The following NFAT5 variants were observed in gnomAD, a reference collection of about 807,000 sequenced individuals.
NFAT5 encodes the protein nuclear factor of activated T-cells 5.
A neutral mutation model predicts 166.5 loss-of-function variants in NFAT5; 31 were observed. The observed-to-expected ratio is 0.19, with a 90% CI of 0.14 to 0.25. NFAT5 has a LOEUF of 0.25. NFAT5 is among the 10% of genes least tolerant of loss of function. The probability of loss-of-function intolerance (pLI) is 1.00; values close to 1 mark genes in which losing one functional copy is unlikely to be tolerated. For missense variants in NFAT5, 1,449 were observed against 1,821.8 expected, an observed-to-expected ratio of 0.80 and a Z score of 3.72; for synonymous variants, 612 against 639.7, an observed-to-expected ratio of 0.96 and a Z score of 0.65.
At chr16:69,568,340 A>ATGTGTGTGTGTGTGTG (rs1289905200) in intron 1 of NFAT5, among the ~76,000 whole-genome samples, 155 bp from the exon 2 acceptor site, 2 of 38,480 alleles carry the variant, frequency 5.2e-5, no homozygotes, top group African/African-American at 3.0e-4. Flanking sequence ...GTGTGTATAT[A>ATGTGTGTGTGTGTGTG]TATATATGTG....
At position 69,699,763 on chromosome 16, in the gene NFAT5, T is replaced by G. The variant is rs2037863836; in HGVS notation, c.*3412T>G. 1 of 152,494 alleles carries G rather than the reference T, an allele frequency of 6.6e-6. No individual in the cohort carries two copies. Among genetic ancestry groups the G allele is most frequent in the African/African-American group, 2.4e-5 (1 of 41,434 alleles). 9.4% of individuals were successfully genotyped at this position (152,494 alleles called of 1,614,324 possible). A position where few individuals can be genotyped will look rare whatever the true frequency, so the allele number is the denominator to read the frequency against. On this transcript the variant is annotated 3_prime_UTR_variant, in exon 15 of 15. Coordinates refer to ENST00000349945, the MANE Select transcript of NFAT5 (RefSeq NM_138713.4). ...CCTTTTCTTCTTTATATTGTTACATTTAAGTGTTCTTGCTTTCAGCAACTC... is the reference window on the plus strand; with the variant it reads ...CCTTTTCTTCTTTATATTGTTACATGTAAGTGTTCTTGCTTTCAGCAACTC...
intron 2 of NFAT5, among the ~76,000 whole-genome samples, chr16:69,610,524 A>T (rs2033658926): frequency 6.6e-6 from 1 of 152,210 alleles, no homozygotes; most frequent in Admixed American, 6.5e-5. Flanking sequence ...TAATATAGTA[A>T]GTAAAATAGA....
Position 69,692,948 on chromosome 16 carries a change from T to G in NFAT5, c.3123T>G (p.Leu1041=). ...GGGACAATCAACCTCAAGTTAACCT[T>G]TTTTCATCCACAAAAAGTATGATGA... ...HSGDNQPQVN[L]FSSTKSMMSV... The change falls in exon 13 of 15, where the codon CTT becomes CTG. Residue 1041 remains leucine (L), a synonymous_variant. Coordinates refer to ENST00000349945, the MANE Select transcript of NFAT5 (RefSeq NM_138713.4). The G allele has an allele frequency of 6.2e-7, 1 of 1,614,126 alleles. No individual in the cohort carries two copies. The highest frequency in any genetic ancestry group is 8.5e-7 in the Non-Finnish European group (1 of 1,180,010).
chr16:69,642,466 A>G (rs1463192114), intron 3 of NFAT5, among the ~76,000 whole-genome samples: 1 of 152,230 alleles, frequency 6.6e-6, no homozygotes, highest in African/African-American at 2.4e-5. Context: ...AGAATGGTCT[A>G]TTAATTTTTC....
intron 2 of NFAT5, among the ~76,000 whole-genome samples, chr16:69,614,316 G>A (rs1597401147): frequency 1.3e-5 from 2 of 152,030 alleles, no homozygotes; most frequent in Admixed American, 1.3e-4. Flanking sequence ...CACCACGCTC[G>A]GCCCTAGATT....
chr16:69,674,684 T>A lies in NFAT5; in HGVS notation c.1558-2519T>A, dbSNP rs578062087. 5.3e-4 allele frequency among the ~76,000 whole-genome samples: 80 copies of A among 152,314 alleles called. 1 individual carries two copies. Among genetic ancestry groups the A allele is most frequent in the African/African-American group, 1.9e-3 (77 of 41,574 alleles). ...ATTTTGTAATGGGTCTTTGGTCAAG[T>A]CTAATTGTAGATATTCTAATTATGT... On this transcript the variant is annotated intron_variant, in intron 9 of 14. Coordinates refer to ENST00000349945, the MANE Select transcript of NFAT5 (RefSeq NM_138713.4).
chr16:69,697,745 C>A lies in NFAT5; in HGVS notation c.*1394C>A, dbSNP rs576346230. On this transcript the variant is annotated 3_prime_UTR_variant, in exon 15 of 15. Transcript: ENST00000349945. ...CCACCCGTGGGATGCCTGCTTCTCACTACCACCTGTGTCTGGACACATGCT... is the reference window on the plus strand; with the variant it reads ...CCACCCGTGGGATGCCTGCTTCTCAATACCACCTGTGTCTGGACACATGCT... 1 of 152,656 alleles carries A rather than the reference C, an allele frequency of 6.6e-6. No individual in the cohort carries two copies. Among genetic ancestry groups the A allele is most frequent in the South Asian group, 2.1e-4 (1 of 4,828 alleles). The allele number at this position is 152,656 out of a possible 1,614,324, so 9.5% of individuals were successfully genotyped here. A position where few individuals can be genotyped will look rare whatever the true frequency, so the allele number is the denominator to read the frequency against.
rs981872534 is a variant in NFAT5, at chr16:69,647,861, G to T, written c.812+275G>T. Among the ~76,000 whole-genome samples, 1 of 151,984 alleles carries T rather than the reference G, an allele frequency of 6.6e-6. No homozygotes were observed. The highest frequency in any genetic ancestry group is 2.4e-5 in the African/African-American group (1 of 41,376). On this transcript the variant is annotated intron_variant, in intron 4 of 14. Coordinates refer to ENST00000349945, the MANE Select transcript of NFAT5 (RefSeq NM_138713.4). The surrounding 1 kb of genome is among the most constrained non-coding windows in gnomAD (Gnocchi z 4.8). Reference sequence around the variant, plus strand: ...ATCTGTTCTGAAATAAATTTCAAATGAATTTATATTTTAAAAGGACTTTTA... The same window carrying T: ...ATCTGTTCTGAAATAAATTTCAAATTAATTTATATTTTAAAAGGACTTTTA...
At chr16:69,636,713 C>G (rs114179801) in intron 3 of NFAT5, among the ~76,000 whole-genome samples, 6,718 of 152,244 alleles carry the variant, frequency 0.044, 506 homozygotes, top group African/African-American at 0.15. Context: ...GGACACAGGG[C>G]ACCAAGTCCC....
Position 69,566,269 on chromosome 16 carries a change from C to G in NFAT5, c.-33C>G. 1 of 1,584,598 alleles carries G rather than the reference C, an allele frequency of 6.3e-7. No individual in the cohort carries two copies. The highest frequency in any genetic ancestry group is 1.2e-5 in the South Asian group (1 of 86,592). On this transcript the variant is annotated 5_prime_UTR_variant, in exon 1 of 15. Coordinates refer to ENST00000349945, the MANE Select transcript of NFAT5 (RefSeq NM_138713.4). This position sits in a 1 kb window ranked among gnomAD's most constrained non-coding sequence, Gnocchi z 5.7. ...GCCGCCACCGCCGCTCCCCCCCTCC[C>G]GCTGCCCTCGGGCCGGGCTGGGTCG...
At chr16:69,612,874 A>C (rs919242149) in intron 2 of NFAT5, among the ~76,000 whole-genome samples, 3 of 149,538 alleles carry the variant, frequency 2.0e-5, no homozygotes, top group African/African-American at 7.3e-5. Context: ...AAAAAAAAAA[A>C]GGCAAAACTG....
At chr16:69,609,824 AAAAAAAAAAAAAAAAAAG>A (rs983074192) in intron 2 of NFAT5, among the ~76,000 whole-genome samples, 1 of 150,816 alleles carries the variant, frequency 6.6e-6, no homozygotes, top group Admixed American at 6.6e-5. Flanking sequence ...CTACTGAAAA[AAAAAAAAAAAAAAAAAAG>A]AAAAAAGAAA....
intron 2 of NFAT5, among the ~76,000 whole-genome samples, chr16:69,579,064 C>G (rs554945948): frequency 6.6e-6 from 1 of 151,922 alleles, no homozygotes; most frequent in Admixed American, 6.6e-5. Context: ...TTAGTAGAGA[C>G]GGGGTTTCAC....
intron 2 of NFAT5, among the ~76,000 whole-genome samples, chr16:69,580,470 G>T (rs1301916737): frequency 6.6e-6 from 1 of 151,580 alleles, no homozygotes; most frequent in Non-Finnish European, 1.5e-5. Context: ...GGTGGAGGTT[G>T]TGGTGAGCCA....
At position 69,566,689 on chromosome 16, in the gene NFAT5, G is replaced by T. The variant is rs976107608; in HGVS notation, c.73+315G>T. Reference sequence around the variant, plus strand: ...CCGGCCCCGCCAGGCTCCGCGAGCCGCCGGCCCCGGCCTCCCGGGCTCGGG... The same window carrying T: ...CCGGCCCCGCCAGGCTCCGCGAGCCTCCGGCCCCGGCCTCCCGGGCTCGGG... On this transcript the variant is annotated intron_variant, in intron 1 of 14. Transcript: ENST00000349945. The surrounding 1 kb of genome is among the most constrained non-coding windows in gnomAD (Gnocchi z 5.7). 3.6e-4 allele frequency among the ~76,000 whole-genome samples: 54 copies of T among 151,780 alleles called. No individual in the cohort carries two copies. Among genetic ancestry groups the T allele is most frequent in the Non-Finnish European group, 6.3e-4 (43 of 67,912 alleles).
chr16:69,574,347 G>A (rs1346526115), intron 2 of NFAT5, among the ~76,000 whole-genome samples: 1 of 152,116 alleles, frequency 6.6e-6, no homozygotes, highest in Non-Finnish European at 1.5e-5. Context: ...TTGTATTATT[G>A]TCTTTTCTTG....
intron 3 of NFAT5, among the ~76,000 whole-genome samples, chr16:69,637,136 C>T (rs1045258560): frequency 5.9e-5 from 9 of 152,086 alleles, no homozygotes; most frequent in Non-Finnish European, 1.2e-4. Context: ...GGTAAAATGC[C>T]GGTCTCTTTG....
chr16:69,581,970 G>C (rs1332283531), intron 2 of NFAT5, among the ~76,000 whole-genome samples: 1 of 152,036 alleles, frequency 6.6e-6, no homozygotes, highest in African/African-American at 2.4e-5. Context: ...CTTTAAAATT[G>C]GGTTATTAGG....
In NFAT5 at chr16:69,588,980, CTTTTTTTTTTTTTTTTT is replaced by C. The variant is rs945918292; in HGVS notation, c.127+20447_127+20463del. On this transcript the variant is annotated intron_variant, in intron 2 of 14. Transcript: ENST00000349945. ...GACCCTCCCTCCTCTTTTCCTACTT[CTTTTTTTTTTTTTTTTT>C]TTTTTTTTTTTTTTGAGATGGAGTT... Among the ~76,000 whole-genome samples, 11 of 34,370 alleles carry C rather than the reference CTTTTTTTTTTTTTTTTT, an allele frequency of 3.2e-4. No individual in the cohort carries two copies. In the East Asian group the frequency reaches 4.0e-3, roughly 12 times the overall value. The allele number at this position is 34,370 out of a possible 152,430, so 22.5% of individuals were successfully genotyped here. A position where few individuals can be genotyped will look rare whatever the true frequency, so the allele number is the denominator to read the frequency against.
Sources: allele counts gnomAD v4.1 joint callset (sites outside exome capture counted in the v4.1 genomes callset), GRCh38; gene constraint gnomAD v4.1.1; non-coding constraint Gnocchi (gnomAD v3.1); transcripts MANE v1.5; gene names NCBI Gene and HGNC (gene_info 2026-07-23, HGNC 2026-07-21).